RAB21: variants seen among roughly 807,000 people sequenced by gnomAD.
RAB21 encodes RAB21, member RAS oncogene family, also known as ras-related protein Rab-21.
RAB21 carries 13 observed loss-of-function variants against 33.1 expected under a neutral mutation model. That is an observed-to-expected ratio of 0.39 (90% CI 0.26 to 0.62). RAB21 has a LOEUF of 0.62. Among genes scored for constraint, RAB21 ranks in the 20% least tolerant of loss-of-function variants. The pLI is 0.48. For synonymous variants in RAB21, 91 were observed against 103.7 expected (o/e 0.88, Z 0.74); for missense variants, 234 against 279.1 (o/e 0.84, Z 1.15).
chr12:71,755,054 G>T lies in RAB21; in HGVS notation c.-76G>T. On this transcript the variant is annotated 5_prime_UTR_variant, in exon 1 of 7. Transcript: ENST00000261263. Reference sequence around the variant, plus strand: ...CGGGGCGGTGGGGGCTGAGCCGGCCGTGGCTGTGAAGGCGCTGCCGCGGCT... The same window carrying T: ...CGGGGCGGTGGGGGCTGAGCCGGCCTTGGCTGTGAAGGCGCTGCCGCGGCT... 9.8e-7 allele frequency: 1 copy of T among 1,019,112 alleles called. No homozygotes were observed. The highest frequency in any genetic ancestry group is 1.2e-6 in the Non-Finnish European group (1 of 853,012). The allele number at this position is 1,019,112 out of a possible 1,614,324, so 63.1% of individuals were successfully genotyped here.
chr12:71,755,577 A>G (rs935715965), intron 1 of RAB21, among the ~76,000 whole-genome samples: 2 of 152,004 alleles, frequency 1.3e-5, no homozygotes, highest in African/African-American at 4.8e-5. Context: ...GTTTTTTCCC[A>G]TTTACTGCAG....
chr12:71,755,552 C>T (rs550958900), intron 1 of RAB21, among the ~76,000 whole-genome samples: 1 of 152,322 alleles, frequency 6.6e-6, no homozygotes, highest in Non-Finnish European at 1.5e-5. Flanking sequence ...ACGTTGTGGT[C>T]TCCGTCCGTG....
chr12:71,780,145 A>G (rs970289853), intron 4 of RAB21, among the ~76,000 whole-genome samples: 2 of 152,202 alleles, frequency 1.3e-5, no homozygotes, highest in Non-Finnish European at 2.9e-5. Flanking sequence ...TCAAATAATA[A>G]AGCAGTGTCT....
At chr12:71,776,616 A>G (rs1382373143) in intron 4 of RAB21, among the ~76,000 whole-genome samples, 1 of 152,028 alleles carries the variant, frequency 6.6e-6, no homozygotes. Flanking sequence ...TTCTGTTGAC[A>G]AGTGTGACAT....
At position 71,769,818 on chromosome 12, in the gene RAB21, A is replaced by G; in HGVS notation, c.178A>G (p.Lys60Glu). The G allele has an allele frequency of 1.4e-6, 2 of 1,394,244 alleles. No homozygotes were observed. The highest frequency in any genetic ancestry group is 1.9e-6 in the Non-Finnish European group (2 of 1,049,844). The allele number at this position is 1,394,244 out of a possible 1,614,324, so 86.4% of individuals were successfully genotyped here. A position where few individuals can be genotyped will look rare whatever the true frequency, so the allele number is the denominator to read the frequency against. The change falls in exon 2 of 7, where the codon AAG becomes GAG. Residue 60 changes from lysine (K) to glutamate (E), a missense_variant. Transcript: ENST00000261263. ...TTLQASFLTK[K>E]LNIGGKRVNL... Reference sequence around the variant, plus strand: ...TTTTTAGGCATCATTCTTAACAAAGAAGTTAAATATTGGTGGGAAAAGAGT... The same window carrying G: ...TTTTTAGGCATCATTCTTAACAAAGGAGTTAAATATTGGTGGGAAAAGAGT...
chr12:71,786,944 T>C lies in RAB21; in HGVS notation c.*1271T>C, dbSNP rs1883302362. The C allele has an allele frequency of 6.6e-6, 1 of 152,240 alleles. No homozygotes were observed. 9.4% of individuals were successfully genotyped at this position (152,240 alleles called of 1,614,324 possible). On this transcript the variant is annotated 3_prime_UTR_variant, in exon 7 of 7. Transcript: ENST00000261263. Reference sequence around the variant, plus strand: ...TTCTGCAATAGCTTTCATTTTCTCATAGGCTTTATAAGAGATGGGTTCAGT... The same window carrying C: ...TTCTGCAATAGCTTTCATTTTCTCACAGGCTTTATAAGAGATGGGTTCAGT...
chr12:71,766,715 C>A (rs1882966234), intron 1 of RAB21, among the ~76,000 whole-genome samples: 1 of 151,738 alleles, frequency 6.6e-6, no homozygotes, highest in African/African-American at 2.4e-5. Context: ...TATAAGAGAA[C>A]ATGAAATTTC....
In RAB21 at chr12:71,790,892, T is replaced by G. The variant is rs1883371574; in HGVS notation, c.*5219T>G. 1 of 152,116 alleles carries G rather than the reference T, an allele frequency of 6.6e-6. No homozygotes were observed. Among genetic ancestry groups the G allele is most frequent in the Non-Finnish European group, 1.5e-5 (1 of 68,020 alleles). The allele number at this position is 152,116 out of a possible 1,614,324, so 9.4% of individuals were successfully genotyped here. A position where few individuals can be genotyped will look rare whatever the true frequency, so the allele number is the denominator to read the frequency against. Reference sequence around the variant, plus strand: ...CCTTTTTCTTTTTTTTTTCTTTCTTTTTTTCTTTTTTAAAATAGCCTCTGA... The same window carrying G: ...CCTTTTTCTTTTTTTTTTCTTTCTTGTTTTCTTTTTTAAAATAGCCTCTGA... On this transcript the variant is annotated 3_prime_UTR_variant, in exon 7 of 7. Transcript: ENST00000261263.
chr12:71,764,816 T>C (rs1882934713), intron 1 of RAB21, among the ~76,000 whole-genome samples: 1 of 152,184 alleles, frequency 6.6e-6, no homozygotes, highest in African/African-American at 2.4e-5. Flanking sequence ...AGTAGTATTC[T>C]ATGGCGTATA....
In RAB21 at chr12:71,787,673, T is replaced by G. The variant is rs1304029700; in HGVS notation, c.*2000T>G. 1.3e-5 allele frequency: 2 copies of G among 152,230 alleles called. No individual in the cohort carries two copies. The highest frequency in any genetic ancestry group is 2.9e-5 in the Non-Finnish European group (2 of 68,040). 9.4% of individuals were successfully genotyped at this position (152,230 alleles called of 1,614,324 possible). On this transcript the variant is annotated 3_prime_UTR_variant, in exon 7 of 7. Transcript: ENST00000261263. ...GCATTCTGTGAGCCTTCACTTTACC[T>G]TCTTTAATTATTGTCCTTGCTAAAC...
intron 4 of RAB21, 85 bp from the exon 5 acceptor site, chr12:71,781,946 A>G (rs1883206972): frequency 9.7e-7 from 1 of 1,026,716 alleles, no homozygotes; most frequent in Non-Finnish European, 1.4e-6. Flanking sequence ...GGTAATTAAA[A>G]TGGCAATTTT....
In RAB21 at chr12:71,797,975, G is replaced by T. The variant is rs1019019535; in HGVS notation, c.*12302G>T. The T allele has an allele frequency of 6.6e-6, 1 of 152,120 alleles. No individual in the cohort carries two copies. Among genetic ancestry groups the T allele is most frequent in the African/African-American group, 2.4e-5 (1 of 41,428 alleles). 9.4% of individuals were successfully genotyped at this position (152,120 alleles called of 1,614,324 possible). A position where few individuals can be genotyped will look rare whatever the true frequency, so the allele number is the denominator to read the frequency against. ...TAAAGTACCCAAAGAGGTTGTCAGAGAATTTTTAAAGATTTTAGTGTGGTA... is the reference window on the plus strand; with the variant it reads ...TAAAGTACCCAAAGAGGTTGTCAGATAATTTTTAAAGATTTTAGTGTGGTA... On this transcript the variant is annotated 3_prime_UTR_variant, in exon 7 of 7. Coordinates refer to ENST00000261263, the MANE Select transcript of RAB21 (RefSeq NM_014999.4).
At chr12:71,765,376 A>G (rs1565886405) in intron 1 of RAB21, among the ~76,000 whole-genome samples, 1 of 151,898 alleles carries the variant, frequency 6.6e-6, no homozygotes, top group Non-Finnish European at 1.5e-5. Flanking sequence ...TGCTTAGTTT[A>G]CGAACATTTT....
chr12:71,780,723 C>T (rs1161313002), intron 4 of RAB21, among the ~76,000 whole-genome samples: 1 of 152,152 alleles, frequency 6.6e-6, no homozygotes, highest in Non-Finnish European at 1.5e-5. Flanking sequence ...TATATAGAAC[C>T]TTTGGACTTG....
Position 71,789,776 on chromosome 12 carries a change from A to C in RAB21, c.*4103A>C, listed in dbSNP as rs1467389471. On this transcript the variant is annotated 3_prime_UTR_variant, in exon 7 of 7. Transcript: ENST00000261263. ...AGTATGTTGCTGTTCTGTTATCTGT[A>C]ATCAACTATAACAGAGTAATATATT... The C allele has an allele frequency of 2.0e-5, 3 of 152,126 alleles. No individual in the cohort carries two copies. The highest frequency in any genetic ancestry group is 7.2e-5 in the African/African-American group (3 of 41,448). The allele number at this position is 152,126 out of a possible 1,614,324, so 9.4% of individuals were successfully genotyped here.
intron 1 of RAB21, among the ~76,000 whole-genome samples, chr12:71,756,691 G>C (rs1181400196): frequency 6.6e-6 from 1 of 152,206 alleles, no homozygotes; most frequent in Non-Finnish European, 1.5e-5. Flanking sequence ...TGTCATTAGT[G>C]AGAGCCTGGT....
intron 6 of RAB21, among the ~76,000 whole-genome samples, chr12:71,783,695 C>T (rs371251068): frequency 3.9e-5 from 6 of 152,252 alleles, no homozygotes; most frequent in Admixed American, 6.5e-5. Context: ...TTCCAATGCA[C>T]ACTAAAATAT....
intron 1 of RAB21, among the ~76,000 whole-genome samples, chr12:71,758,504 CTT>C (rs555367340): frequency 8.2e-5 from 12 of 145,466 alleles, no homozygotes; most frequent in Admixed American, 6.9e-5. Context: ...AATCCTTTCA[CTT>C]TTTTTTTTTT....
intron 4 of RAB21, among the ~76,000 whole-genome samples, chr12:71,776,275 A>G (rs899872387): frequency 1.3e-5 from 2 of 152,174 alleles, no homozygotes; most frequent in African/African-American, 4.8e-5. Context: ...AAGTTAAACA[A>G]GCTCATGAAT....
Sources: gnomAD v4.1 joint callset for allele counts (sites outside exome capture counted in the v4.1 genomes callset) on GRCh38, gnomAD v4.1.1 for gene constraint, MANE v1.5 for transcripts, NCBI Gene and HGNC (gene_info 2026-07-23, HGNC 2026-07-21) for gene names.